DSCAM: variants seen among roughly 807,000 people sequenced by gnomAD.
DSCAM encodes cell adhesion molecule DSCAM.
A neutral mutation model predicts 217.7 loss-of-function variants in DSCAM; 47 were observed. That is an observed-to-expected ratio of 0.22 (90% CI 0.17 to 0.28). The LOEUF (loss-of-function observed/expected upper bound fraction) is 0.28, where lower values mean the gene tolerates loss of function less well. Ranked by LOEUF, DSCAM falls within the 10% of genes least tolerant of loss-of-function variation. The probability of loss-of-function intolerance (pLI) is 1.00; values close to 1 mark genes in which losing one functional copy is unlikely to be tolerated. For synonymous variants in DSCAM, 1,056 were observed against 1,015.3 expected (o/e 1.04, Z -0.76); for missense variants, 2,080 against 2,618.3 (o/e 0.79, Z 4.49).
intron 4 of DSCAM, among the ~76,000 whole-genome samples, chr21:40,354,480 G>A (rs1391427603): frequency 1.3e-5 from 2 of 152,042 alleles, no homozygotes; most frequent in African/African-American, 2.4e-5. Context: ...TGATCCTCCT[G>A]CCTGGGCCTC....
chr21:40,260,365 C>T (rs1290988086), intron 11 of DSCAM, among the ~76,000 whole-genome samples: 1 of 152,188 alleles, frequency 6.6e-6, no homozygotes, highest in Non-Finnish European at 1.5e-5. Flanking sequence ...CACCTCCAGC[C>T]CTGTCTCTGC....
At chr21:40,508,990 G>T (rs1286588354) in intron 3 of DSCAM, among the ~76,000 whole-genome samples, 1 of 151,070 alleles carries the variant, frequency 6.6e-6, no homozygotes, top group African/African-American at 2.4e-5. Context: ...CATTTCTAAG[G>T]TAAAATTTTG....
chr21:40,359,529 C>T (rs891114532), intron 4 of DSCAM, among the ~76,000 whole-genome samples: 2 of 152,228 alleles, frequency 1.3e-5, no homozygotes. Flanking sequence ...GTACAAATGT[C>T]CATAGCAGGA....
chr21:40,564,740 T>C (rs2076752146), intron 3 of DSCAM, among the ~76,000 whole-genome samples: 1 of 152,214 alleles, frequency 6.6e-6, no homozygotes, highest in Non-Finnish European at 1.5e-5. Context: ...ATTCTGCCAG[T>C]CAAGAAATAA....
chr21:40,023,431 G>A (rs1411248381), intron 32 of DSCAM, among the ~76,000 whole-genome samples: 17 of 151,494 alleles, frequency 1.1e-4, no homozygotes, highest in Non-Finnish European at 1.9e-4. Context: ...CTAGGTCCCT[G>A]AGGAATCGCC....
intron 3 of DSCAM, among the ~76,000 whole-genome samples, chr21:40,669,520 C>G (rs2090244712): frequency 6.6e-6 from 1 of 152,142 alleles, no homozygotes; most frequent in East Asian, 1.9e-4. Context: ...AATTCAGTCA[C>G]CAAAGTGTTA....
intron 11 of DSCAM, among the ~76,000 whole-genome samples, chr21:40,190,446 G>C (rs1450479519): frequency 2.6e-5 from 4 of 152,080 alleles, no homozygotes; most frequent in Non-Finnish European, 5.9e-5. Context: ...GACCTCCAAA[G>C]CCAGGCTCCT....
chr21:40,220,265 G>A (rs1018099584), intron 11 of DSCAM, among the ~76,000 whole-genome samples: 1 of 152,148 alleles, frequency 6.6e-6, no homozygotes, highest in African/African-American at 2.4e-5. Context: ...CTTTCTCCAT[G>A]AACCAACCTC....
At chr21:40,179,582 TCC>T (rs1194655565) in intron 14 of DSCAM, among the ~76,000 whole-genome samples, 1 of 152,176 alleles carries the variant, frequency 6.6e-6, no homozygotes, top group Non-Finnish European at 1.5e-5. Flanking sequence ...GATCCTTTCC[TCC>T]CCAAATAGAG....
At chr21:40,696,872 T>C (rs1361243329) in intron 2 of DSCAM, among the ~76,000 whole-genome samples, 1 of 152,226 alleles carries the variant, frequency 6.6e-6, no homozygotes, top group African/African-American at 2.4e-5. Flanking sequence ...TCAGGGTAAT[T>C]GGAATATCAA....
chr21:40,175,597 T>C lies in DSCAM; in HGVS notation c.2947+3330A>G, dbSNP rs117777960. 1.7e-3 allele frequency among the ~76,000 whole-genome samples: 260 copies of C among 152,072 alleles called. 6 individuals are homozygous for C. The East Asian group carries it at 0.038, about 22-fold the overall frequency. On this transcript the variant is annotated intron_variant, in intron 15 of 32. Coordinates refer to ENST00000400454, the MANE Select transcript of DSCAM (RefSeq NM_001389.5). ...GCCTTGGGCCTATTGTATAAGGGCA[T>C]ACTGATGCTATTAATGATGGGTCCA...
intron 11 of DSCAM, among the ~76,000 whole-genome samples, chr21:40,198,703 G>A (rs1167960832): frequency 6.6e-6 from 1 of 152,234 alleles, no homozygotes. Context: ...GGAGCCTGGG[G>A]CTCCAGGGGG....
chr21:40,367,520 C>T (rs986625446), intron 4 of DSCAM, among the ~76,000 whole-genome samples: 1 of 152,164 alleles, frequency 6.6e-6, no homozygotes, highest in Non-Finnish European at 1.5e-5. Context: ...TCCTTCAAAG[C>T]TTGACATGTT....
chr21:40,597,527 G>T, intron 3 of DSCAM, among the ~76,000 whole-genome samples: 1 of 85,942 alleles, frequency 1.2e-5, no homozygotes. Flanking sequence ...TTTTTTTGGA[G>T]ACAGAGTTTT....
At position 40,075,125 on chromosome 21, in the gene DSCAM, G is replaced by C; in HGVS notation, c.4800C>G (p.Ser1600=). 2 of 1,614,224 alleles carry C rather than the reference G, an allele frequency of 1.2e-6. No individual in the cohort carries two copies. The highest frequency in any genetic ancestry group is 8.5e-7 in the Non-Finnish European group (1 of 1,180,048). The change falls in exon 27 of 33, where the codon TCC becomes TCG. Residue 1600 remains serine, a synonymous_variant. Transcript: ENST00000400454. ...GCAGCAAGACCCCCACCAGGATACA[G>C]GAGATGGTCACCAGCATCTTGAGCC... is the stretch of plus-strand genomic sequence containing the variant. The part of the protein sequence containing the change: ...NEGLKMLVTI[S]CILVGVLLLF...
At chr21:40,789,948 A>G (rs2837822) in intron 1 of DSCAM, among the ~76,000 whole-genome samples, 69,125 of 152,056 alleles carry the variant, frequency 0.45, 17,532 homozygotes, top group South Asian at 0.66. Context: ...GGGAAGCTTG[A>G]CCACACAAAG....
Position 40,686,511 on chromosome 21 carries a change from A to G in DSCAM, c.508+6299T>C, listed in dbSNP as rs181928601. On this transcript the variant is annotated intron_variant, in intron 3 of 32. Coordinates refer to ENST00000400454, the MANE Select transcript of DSCAM (RefSeq NM_001389.5). The stretch of plus-strand genomic sequence containing the variant: ...TATCCTCTGGGCTAAATTTGCCCCA[A>G]TGCTTTCTTTTCTTGTTTTCTTTTT... 2.8e-3 allele frequency among the ~76,000 whole-genome samples: 420 copies of G among 152,298 alleles called. 9 individuals carry two copies. The South Asian group carries it at 0.059, about 21-fold the overall frequency.
chr21:40,694,854 T>C (rs2837785), intron 2 of DSCAM, among the ~76,000 whole-genome samples: 29,369 of 151,274 alleles, frequency 0.19, 3,672 homozygotes, highest in African/African-American at 0.36. Context: ...CGGTAATAGA[T>C]TAGAAAAAGA....
intron 3 of DSCAM, among the ~76,000 whole-genome samples, chr21:40,512,157 T>C (rs749537053): frequency 1.3e-5 from 2 of 152,016 alleles, no homozygotes; most frequent in African/African-American, 2.4e-5. Context: ...GCAGTGATCT[T>C]TCCCTTCCAA....
Sources: allele counts gnomAD v4.1 joint callset (sites outside exome capture counted in the v4.1 genomes callset), GRCh38; gene constraint gnomAD v4.1.1; transcripts MANE v1.5; gene names NCBI Gene and HGNC (gene_info 2026-07-23, HGNC 2026-07-21).